Variants in LAMA1 observed in about 807,000 individuals in gnomAD.
LAMA1 encodes laminin subunit alpha-1.
A neutral mutation model predicts 348.7 loss-of-function variants in LAMA1; 219 were observed. That is an observed-to-expected ratio of 0.63 (90% CI 0.56 to 0.70). The LOEUF (loss-of-function observed/expected upper bound fraction) is 0.70. LAMA1 is among the 30% of genes least tolerant of loss of function. The pLI, the probability that LAMA1 is intolerant of heterozygous loss-of-function variation, is 0.00. For missense variants in LAMA1, 3,744 were observed against 3,888.0 expected, an observed-to-expected ratio of 0.96 and a Z score of 0.99; for synonymous variants, 1,487 against 1,491.0, an observed-to-expected ratio of 1.00 and a Z score of 0.06.
intron 13 of LAMA1, among the ~76,000 whole-genome samples, chr18:7,035,445 T>C (rs1461044951): frequency 2.0e-5 from 3 of 151,896 alleles, no homozygotes; most frequent in Non-Finnish European, 4.4e-5. Flanking sequence ...TTTTTTGAGA[T>C]AGGCTCTCTC....
intron 3 of LAMA1, among the ~76,000 whole-genome samples, chr18:7,070,565 T>A (rs1176428597): frequency 6.6e-6 from 1 of 152,256 alleles, no homozygotes; most frequent in South Asian, 2.1e-4. Flanking sequence ...AAAAAACAAC[T>A]GACATCTGAA....
chr18:7,029,957 CT>C (rs2057961022), intron 16 of LAMA1, among the ~76,000 whole-genome samples: 1 of 149,244 alleles, frequency 6.7e-6, no homozygotes, highest in South Asian at 2.1e-4. Flanking sequence ...AGAATTCAAG[CT>C]TGTTTTTACA....
chr18:7,035,911 C>T, intron 13 of LAMA1, 76 bp downstream of exon 13: 7 of 1,250,440 alleles, frequency 5.6e-6, no homozygotes, highest in Non-Finnish European at 8.2e-6. Context: ...ATGTCCTCAC[C>T]TAGTAACTTT....
Position 6,986,271 on chromosome 18 carries a change from C to G in LAMA1, c.5245G>C (p.Ala1749Pro). 3.1e-6 allele frequency: 5 copies of G among 1,614,190 alleles called. No homozygotes were observed. Among genetic ancestry groups the G allele is most frequent in the Non-Finnish European group, 4.2e-6 (5 of 1,180,044 alleles). ...TGCTTTGAAAGGACGTGGCTTGCTG[C>G]TTCTTTCAATACCTCCAATTCTTCC... ...PLEELEVLKE[A>P]ASHVLSKHNN... Residue 1749 changes from alanine (A) to proline (P), a missense_variant, in exon 37 of 63, where the codon GCA becomes CCA. Transcript: ENST00000389658.
At chr18:7,070,305 C>A (rs1175913790) in intron 3 of LAMA1, among the ~76,000 whole-genome samples, 2 of 152,264 alleles carry the variant, frequency 1.3e-5, no homozygotes, top group East Asian at 3.9e-4. Flanking sequence ...AAAGTAATTT[C>A]TATCTGAGTG....
In LAMA1 at chr18:6,977,710, C is replaced by T. The variant is rs1000312101; in HGVS notation, c.6345+17G>A. ...ACTGAGAGCCCAGTTACGAAAGCCA[C>T]GGGGCCCCAAACTCACAGAAGCTGC... On this transcript the variant is annotated intron_variant, in intron 44 of 62. Coordinates refer to ENST00000389658, the MANE Select transcript of LAMA1 (RefSeq NM_005559.4). The T allele has an allele frequency of 1.3e-5, 21 of 1,613,672 alleles. No homozygotes were observed. The highest frequency in any genetic ancestry group is 1.7e-4 in the Middle Eastern group (1 of 6,034).
chr18:7,108,112 T>A, intron 1 of LAMA1, among the ~76,000 whole-genome samples: 1 of 142,432 alleles, frequency 7.0e-6, no homozygotes, highest in South Asian at 2.3e-4. Flanking sequence ...CCAAGGCAGG[T>A]GGATCACGAG....
At chr18:6,950,575 C>A (rs956148622) in intron 58 of LAMA1, among the ~76,000 whole-genome samples, 3 of 152,168 alleles carry the variant, frequency 2.0e-5, no homozygotes, top group African/African-American at 7.2e-5. Flanking sequence ...GTCTATTTCA[C>A]GTCAGGTACT....
At chr18:6,999,397 A>T in intron 32 of LAMA1, 48 bp downstream of exon 32, 1 of 1,596,224 alleles carries the variant, frequency 6.3e-7, no homozygotes. Context: ...TTCCCGACAC[A>T]TTTGGGAGGA....
intron 3 of LAMA1, among the ~76,000 whole-genome samples, chr18:7,067,464 C>T (rs2058126972): frequency 8.1e-6 from 1 of 123,446 alleles, no homozygotes; most frequent in African/African-American, 3.4e-5. Flanking sequence ...AAAACTCTTC[C>T]AAAGTGAAAA....
At chr18:7,090,450 C>CT (rs2058235211) in intron 1 of LAMA1, among the ~76,000 whole-genome samples, 1 of 152,014 alleles carries the variant, frequency 6.6e-6, no homozygotes, top group Non-Finnish European at 1.5e-5. Context: ...GCAGGGAGCT[C>CT]TTTCAGCTTG....
rs2057536440 is a variant in LAMA1 at position 6,949,367 on chromosome 18, C to T, written c.8398-108G>A. On this transcript the variant is annotated intron_variant, in intron 58 of 62. Coordinates refer to ENST00000389658, the MANE Select transcript of LAMA1 (RefSeq NM_005559.4). The stretch of plus-strand genomic sequence containing the variant: ...ATCTGTTTCTGAGAGCTATAACAAC[C>T]TGAATGCAATGCTAAAGGAAGGTTC... 8.1e-5 allele frequency: 88 copies of T among 1,089,814 alleles called. 3 individuals carry two copies. In the South Asian group the frequency reaches 1.1e-3, roughly 14 times the overall value. 67.5% of individuals were successfully genotyped at this position (1,089,814 alleles called of 1,614,324 possible).
chr18:7,107,790 A>G (rs62083503), intron 1 of LAMA1, among the ~76,000 whole-genome samples: 71,373 of 150,216 alleles, frequency 0.48, 18,225 homozygotes, highest in East Asian at 0.74. Context: ...TGAGGCGGGC[A>G]GATCACGAGG....
At chr18:7,112,823 T>C (rs1487752227) in intron 1 of LAMA1, among the ~76,000 whole-genome samples, 1 of 151,846 alleles carries the variant, frequency 6.6e-6, no homozygotes, top group Admixed American at 6.6e-5. Flanking sequence ...TTGGTAGAGA[T>C]GGGGTTTCTC....
chr18:7,012,825 G>A (rs1242753209), intron 23 of LAMA1, among the ~76,000 whole-genome samples: 1 of 151,128 alleles, frequency 6.6e-6, no homozygotes, highest in Non-Finnish European at 1.5e-5. Flanking sequence ...TTAAGACAAG[G>A]CCTGCTGCTC....
chr18:7,013,794 A>C (rs376309583), intron 23 of LAMA1, 21 bp downstream of exon 23: 24 of 1,606,964 alleles, frequency 1.5e-5, no homozygotes, highest in Non-Finnish European at 2.0e-5. Flanking sequence ...AGGATGAAAG[A>C]GGAGGATGGA....
intron 1 of LAMA1, among the ~76,000 whole-genome samples, chr18:7,097,466 G>A (rs370546074): frequency 6.7e-6 from 1 of 149,432 alleles, no homozygotes; most frequent in Non-Finnish European, 1.5e-5. Flanking sequence ...TGATCTGTAG[G>A]TTCCATCCAA....
intron 30 of LAMA1, 131 bp from the exon 31 acceptor site, chr18:7,000,128 G>A: frequency 1.4e-6 from 1 of 693,540 alleles, no homozygotes; most frequent in Non-Finnish European, 2.6e-6. Context: ...GCTTTTTAGA[G>A]CTTACAATCT....
At chr18:7,061,923 A>C (rs539650427) in intron 3 of LAMA1, among the ~76,000 whole-genome samples, 1 of 152,234 alleles carries the variant, frequency 6.6e-6, no homozygotes, top group East Asian at 1.9e-4. Flanking sequence ...CCTGGGGGAG[A>C]GAGTCAGCTG....
Sources: allele counts gnomAD v4.1 joint callset (sites outside exome capture counted in the v4.1 genomes callset), GRCh38; gene constraint gnomAD v4.1.1; transcripts MANE v1.5; gene names NCBI Gene and HGNC (gene_info 2026-07-23, HGNC 2026-07-21).